FMNL2: variants seen among roughly 807,000 people sequenced by gnomAD.
FMNL2 encodes the protein formin like 2.
FMNL2 carries 51 observed loss-of-function variants against 130.2 expected under a neutral mutation model. The ratio of observed to expected loss-of-function variants is 0.39; its 90% CI spans 0.31 to 0.49. FMNL2 has a LOEUF of 0.49. FMNL2 is among the 20% of genes least tolerant of loss of function. The pLI is 0.85. For missense variants in FMNL2, 977 were observed against 1,316.2 expected, an observed-to-expected ratio of 0.74 and a Z score of 3.99; for synonymous variants, 465 against 467.1, an observed-to-expected ratio of 1.00 and a Z score of 0.06.
At chr2:152,391,419 T>C (rs1006937802) in intron 1 of FMNL2, among the ~76,000 whole-genome samples, 2 of 152,130 alleles carry the variant, frequency 1.3e-5, no homozygotes, top group African/African-American at 4.8e-5. Flanking sequence ...TAGAGGTAGT[T>C]GAGTGGAAAT....
intron 10 of FMNL2, among the ~76,000 whole-genome samples, chr2:152,610,497 T>A (rs1311960859): frequency 1.3e-5 from 2 of 152,230 alleles, no homozygotes; most frequent in Non-Finnish European, 2.9e-5. Flanking sequence ...ACTAACCTGC[T>A]TTCTATCTCA....
At chr2:152,602,939 G>T (rs1698164814) in intron 9 of FMNL2, among the ~76,000 whole-genome samples, 2 of 152,352 alleles carry the variant, frequency 1.3e-5, no homozygotes, top group Non-Finnish European at 2.9e-5. Context: ...GTGCGTGGGG[G>T]TGCTCCAGAT....
At chr2:152,631,334 A>G (rs1232406218) in intron 20 of FMNL2, among the ~76,000 whole-genome samples, 1 of 139,182 alleles carries the variant, frequency 7.2e-6, no homozygotes, top group Non-Finnish European at 1.5e-5. Context: ...TGGAGTTTGT[A>G]GTGAGCCAAG....
chr2:152,477,301 T>C (rs1362781297), intron 1 of FMNL2, among the ~76,000 whole-genome samples: 2 of 152,254 alleles, frequency 1.3e-5, no homozygotes, highest in South Asian at 2.1e-4. Flanking sequence ...CTTTTGGAGC[T>C]AGAGTTTTTA....
At chr2:152,367,641 C>T (rs779882472) in intron 1 of FMNL2, among the ~76,000 whole-genome samples, 19 of 152,168 alleles carry the variant, frequency 1.2e-4, no homozygotes, top group Non-Finnish European at 2.1e-4. Context: ...CATCTTGTCT[C>T]GCTTCCTCTC....
intron 1 of FMNL2, among the ~76,000 whole-genome samples, chr2:152,448,828 C>CGAAA (rs931608206): frequency 3.0e-4 from 46 of 152,302 alleles, no homozygotes; most frequent in African/African-American, 9.9e-4. Flanking sequence ...TTTAAGCTTT[C>CGAAA]CCTCAGATAG....
chr2:152,610,209 C>T (rs1698602321), intron 10 of FMNL2, among the ~76,000 whole-genome samples: 2 of 152,274 alleles, frequency 1.3e-5, no homozygotes, highest in African/African-American at 2.4e-5. Flanking sequence ...AAATGTTCTT[C>T]TTTAAAAAAT....
chr2:152,471,671 TATAA>T (rs1220112954), intron 1 of FMNL2, among the ~76,000 whole-genome samples: 5 of 152,168 alleles, frequency 3.3e-5, no homozygotes, highest in African/African-American at 2.4e-5. Flanking sequence ...CCCTGAACTT[TATAA>T]ATAGGAACCT....
At chr2:152,607,233 A>C (rs1698420990) in intron 9 of FMNL2, 106 bp from the exon 10 acceptor site, 2 of 940,528 alleles carry the variant, frequency 2.1e-6, no homozygotes, top group Non-Finnish European at 3.3e-6. Flanking sequence ...ATGAGAGAGA[A>C]AAAGATAGAT....
At chr2:152,405,388 G>A (rs370733641) in intron 1 of FMNL2, among the ~76,000 whole-genome samples, 22 of 152,142 alleles carry the variant, frequency 1.4e-4, no homozygotes, top group African/African-American at 4.8e-4. Context: ...AATGTCAACA[G>A]AATGACTCAT....
At chr2:152,345,524 G>A (rs1389350934) in intron 1 of FMNL2, among the ~76,000 whole-genome samples, 1 of 152,198 alleles carries the variant, frequency 6.6e-6, no homozygotes, top group Non-Finnish European at 1.5e-5. Context: ...AAAATGCAAA[G>A]GCAGTGAATT....
At chr2:152,510,287 GCAC>G (rs1692423825) in intron 1 of FMNL2, among the ~76,000 whole-genome samples, 1 of 152,188 alleles carries the variant, frequency 6.6e-6, no homozygotes, top group Admixed American at 6.5e-5. Flanking sequence ...CAATAATTAT[GCAC>G]CATCTGAATA....
chr2:152,511,065 A>C (rs1692474480), intron 1 of FMNL2, among the ~76,000 whole-genome samples: 1 of 152,084 alleles, frequency 6.6e-6, no homozygotes, highest in South Asian at 2.1e-4. Context: ...TTGTATATAT[A>C]CCTCATTGCA....
chr2:152,558,897 A>G (rs1303698942), intron 5 of FMNL2, 74 bp downstream of exon 5: 1 of 1,325,650 alleles, frequency 7.5e-7, no homozygotes, highest in Admixed American at 1.9e-5. Context: ...GTAAAATTAT[A>G]CACCACAGAG....
chr2:152,486,367 C>G (rs953951731), intron 1 of FMNL2, among the ~76,000 whole-genome samples: 1 of 152,288 alleles, frequency 6.6e-6, no homozygotes, highest in Middle Eastern at 3.4e-3. Context: ...ATTTACATAG[C>G]TGGGTTGGTT....
intron 1 of FMNL2, 131 bp from the exon 2 acceptor site, chr2:152,521,812 A>G (rs1351036801): frequency 1.5e-5 from 11 of 722,154 alleles, no homozygotes; most frequent in Admixed American, 2.6e-5. Context: ...TTTTGGTTTA[A>G]TCAGATACTA....
intron 1 of FMNL2, among the ~76,000 whole-genome samples, chr2:152,481,416 C>T (rs1690514287): frequency 6.6e-6 from 1 of 152,216 alleles, no homozygotes; most frequent in African/African-American, 2.4e-5. Context: ...GCACTTTCAA[C>T]AGCCAAAAAA....
chr2:152,629,615 A>C, intron 18 of FMNL2, 41 bp from the exon 19 acceptor site: 1 of 1,538,828 alleles, frequency 6.5e-7, no homozygotes, highest in Non-Finnish European at 8.8e-7. Flanking sequence ...CATTTTTAAC[A>C]TGTCTTTTTT....
chr2:152,339,355 AGAT>A (rs1681668571), intron 1 of FMNL2, among the ~76,000 whole-genome samples: 1 of 152,228 alleles, frequency 6.6e-6, no homozygotes, highest in East Asian at 1.9e-4. Flanking sequence ...TTATTTTTAA[AGAT>A]GATGATAAGA....
Sources: allele counts gnomAD v4.1 joint callset (sites outside exome capture counted in the v4.1 genomes callset), GRCh38; gene constraint gnomAD v4.1.1; transcripts MANE v1.5; gene names NCBI Gene and HGNC (gene_info 2026-07-23, HGNC 2026-07-21).